ZNF417: variants seen among roughly 807,000 people sequenced by gnomAD.
The protein encoded by ZNF417 is zinc finger protein 417.
ZNF417 carries 5 observed loss-of-function variants against 7.4 expected under a neutral mutation model. The observed-to-expected ratio is 0.68, with a 90% CI of 0.35 to 1.43. The LOEUF is 1.43. ZNF417 is among the 40% of genes most tolerant of loss of function. The probability of loss-of-function intolerance (pLI) is 0.04; values close to 1 mark genes in which losing one functional copy is unlikely to be tolerated. For synonymous variants in ZNF417, 147 were observed against 239.1 expected (o/e 0.61, Z 3.55); for missense variants, 437 against 697.3 (o/e 0.63, Z 4.20).
rs2071854246 is a variant in ZNF417 at position 57,908,211 on chromosome 19, T to A, written c.*339A>T. On this transcript the variant is annotated 3_prime_UTR_variant, in exon 3 of 3. Coordinates refer to ENST00000312026, the MANE Select transcript of ZNF417 (RefSeq NM_152475.3). ...GGGACACTTATGATTCCACATGAAG[T>A]GGATAACCAGCTCATAGCTCTTGTG... 2 of 355,154 alleles carry A rather than the reference T, an allele frequency of 5.6e-6. No homozygotes were observed. The highest frequency in any genetic ancestry group is 1.0e-5 in the Non-Finnish European group (2 of 191,272). The allele number at this position is 355,154 out of a possible 1,614,324, so 22.0% of individuals were successfully genotyped here.
At chr19:57,914,470 G>A (rs1230768261) in intron 1 of ZNF417, among the ~76,000 whole-genome samples, 1 of 84,284 alleles carries the variant, frequency 1.2e-5, no homozygotes, top group Non-Finnish European at 2.1e-5. Flanking sequence ...TGGGCAACAA[G>A]ACCGAAACTC....
rs776305801 is a variant in ZNF417 at position 57,907,753 on chromosome 19, C to G, written c.*797G>C. 2 of 154,736 alleles carry G rather than the reference C, an allele frequency of 1.3e-5. No individual in the cohort carries two copies. Among genetic ancestry groups the G allele is most frequent in the Non-Finnish European group, 2.9e-5 (2 of 68,228 alleles). 9.6% of individuals were successfully genotyped at this position (154,736 alleles called of 1,614,324 possible). Reference sequence around the variant, plus strand: ...AAAAAGATTCTGGATTCCATAATCTCACCTTGCTGGCAAGAAACTACCATT... The same window carrying G: ...AAAAAGATTCTGGATTCCATAATCTGACCTTGCTGGCAAGAAACTACCATT... On this transcript the variant is annotated 3_prime_UTR_variant, in exon 3 of 3. Coordinates refer to ENST00000312026, the MANE Select transcript of ZNF417 (RefSeq NM_152475.3).
rs1367125611 is a variant in ZNF417, at chr19:57,916,442, C to T, written c.-31G>A. ...TACTTGGGGAAGCACGGCCCGGGAG[C>T]AGTGGTCGCCGTCACGGGGCTGCAG... On this transcript the variant is annotated 5_prime_UTR_variant, in exon 1 of 3. Coordinates refer to ENST00000312026, the MANE Select transcript of ZNF417 (RefSeq NM_152475.3). 1 of 1,613,812 alleles carries T rather than the reference C, an allele frequency of 6.2e-7. No individual in the cohort carries two copies. The highest frequency in any genetic ancestry group is 2.2e-5 in the East Asian group (1 of 44,872).
Position 57,915,177 on chromosome 19 carries a change from C to T in ZNF417, c.33+1202G>A, listed in dbSNP as rs545945809. Among the ~76,000 whole-genome samples the T allele has an allele frequency of 7.2e-5, 11 of 152,308 alleles. No homozygotes were observed. The South Asian group carries it at 2.1e-3, about 29-fold the overall frequency. On this transcript the variant is annotated intron_variant, in intron 1 of 2. Transcript: ENST00000312026. Reference sequence around the variant, plus strand: ...CAGTGCAAAATGTCATCTCTACCACCTATGTGAGCTACAAAAAGGATTCAA... The same window carrying T: ...CAGTGCAAAATGTCATCTCTACCACTTATGTGAGCTACAAAAAGGATTCAA...
In ZNF417 at chr19:57,909,440, T is replaced by A; in HGVS notation, c.838A>T (p.Lys280Ter). The change falls in exon 3 of 3, where the codon AAG (lysine) becomes TAG (stop). Residue 280 changes from lysine (K) to a stop codon, truncating the protein, a stop_gained. Coordinates refer to ENST00000312026, the MANE Select transcript of ZNF417 (RefSeq NM_152475.3). LOFTEE classifies it low-confidence loss of function (END_TRUNC). ...CGECGKSYSR[K>*]SSLIQHQRVH... is the part of the protein sequence containing the mutation. ...CGCTGATGTTGAATAAGGCTGCTCT[T>A]TCGACTATAAGATTTCCCACACTCT... The A allele has an allele frequency of 6.2e-7, 1 of 1,613,938 alleles. No homozygotes were observed. Among genetic ancestry groups the A allele is most frequent in the Non-Finnish European group, 8.5e-7 (1 of 1,179,880 alleles).
rs2071846373 is a variant in ZNF417 at position 57,907,627 on chromosome 19, T to C, written c.*923A>G. 6.5e-6 allele frequency: 1 copy of C among 154,882 alleles called. No homozygotes were observed. Among genetic ancestry groups the C allele is most frequent in the Admixed American group, 6.5e-5 (1 of 15,288 alleles). The allele number at this position is 154,882 out of a possible 1,614,324, so 9.6% of individuals were successfully genotyped here. On this transcript the variant is annotated 3_prime_UTR_variant, in exon 3 of 3. Transcript: ENST00000312026. ...TTCTTCTGACTGGGACATTTCCCAA[T>C]TTGGGAACAGTGGTTACTTGCCAAA...
In ZNF417 at chr19:57,908,566, C is replaced by T. The variant is rs559770403; in HGVS notation, c.1712G>A (p.Arg571Lys). 15 of 1,614,186 alleles carry T rather than the reference C, an allele frequency of 9.3e-6. No homozygotes were observed. Among genetic ancestry groups the T allele is most frequent in the Admixed American group, 6.7e-5 (4 of 60,026 alleles). ...STLLHHQSSH[R>K]RKAL is the part of the protein sequence containing the mutation. ...TCACTGCACTCATAAGGCCTTTCTC[C>T]TGTGTGAACTCTGATGATGAAGGAG... Residue 571 changes from arginine (R) to lysine (K), a missense_variant, in exon 3 of 3, where the codon AGG (arginine) becomes AAG (lysine). Around this residue, in one of 5 missense-constraint regions of ZNF417, gnomAD observed 233 missense variants for 235.5 expected, o/e 0.99. Coordinates refer to ENST00000312026, the MANE Select transcript of ZNF417 (RefSeq NM_152475.3).
Position 57,908,272 on chromosome 19 carries a change from G to C in ZNF417, c.*278C>G. 2.0e-6 allele frequency: 1 copy of C among 509,572 alleles called. No homozygotes were observed. The highest frequency in any genetic ancestry group is 3.5e-6 in the Non-Finnish European group (1 of 284,596). The allele number at this position is 509,572 out of a possible 1,614,324, so 31.6% of individuals were successfully genotyped here. ...CCAAGTATTTGGCCGGGCATGGTGT[G>C]GTGTACTCGTAATCTCAGCTCCTTG... On this transcript the variant is annotated 3_prime_UTR_variant, in exon 3 of 3. Coordinates refer to ENST00000312026, the MANE Select transcript of ZNF417 (RefSeq NM_152475.3).
At chr19:57,910,834 A>G (rs1261352171) in intron 2 of ZNF417, among the ~76,000 whole-genome samples, 1 of 152,216 alleles carries the variant, frequency 6.6e-6, no homozygotes, top group Non-Finnish European at 1.5e-5. Context: ...ACCTGAGTTC[A>G]GTAGTTGGAG....
intron 1 of ZNF417, chr19:57,915,419 C>A (rs538498307): frequency 1.8e-5 from 7 of 397,216 alleles, no homozygotes; most frequent in Non-Finnish European, 3.3e-5. Flanking sequence ...TTCCATCCTC[C>A]CGGCTCCGTC....
Position 57,912,169 on chromosome 19 carries a change from T to C in ZNF417, c.54A>G (p.Glu18=). Reference sequence around the variant, plus strand: ...CCTGGGAAAAGTTCACAGCCACATCTTCAAAGGTCACAGTGCCCTGCTATG... The same window carrying C: ...CCTGGGAAAAGTTCACAGCCACATCCTCAAAGGTCACAGTGCCCTGCTATG... ...RPTQQGTVTF[E]DVAVNFSQEE... is the part of the protein sequence containing the mutation. The change falls in exon 2 of 3, where the codon GAA becomes GAG. Residue 18 remains glutamate (E), a synonymous_variant. Transcript: ENST00000312026. 6.2e-7 allele frequency: 1 copy of C among 1,612,420 alleles called. No homozygotes were observed. Among genetic ancestry groups the C allele is most frequent in the Non-Finnish European group, 8.5e-7 (1 of 1,179,560 alleles).
rs1251703980 is a variant in ZNF417, at chr19:57,906,354, T to G, written c.*2196A>C. 6.6e-6 allele frequency among the ~76,000 whole-genome samples: 1 copy of G among 152,080 alleles called. No homozygotes were observed. The highest frequency in any genetic ancestry group is 2.4e-5 in the African/African-American group (1 of 41,390). On this transcript the variant is annotated 3_prime_UTR_variant, in exon 3 of 3. Transcript: ENST00000312026. The stretch of plus-strand genomic sequence containing the variant: ...AACATGCTGTAATACAAGGTGACAT[T>G]TAGGGGCTGAGACTGTTAACATCTG...
chr19:57,907,723 C>A lies in ZNF417; in HGVS notation c.*827G>T, dbSNP rs1431217692. Reference sequence around the variant, plus strand: ...CAAGTGGGGAAATGGGCATGTGGCCCCTGAAAAAAGATTCTGGATTCCATA... The same window carrying A: ...CAAGTGGGGAAATGGGCATGTGGCCACTGAAAAAAGATTCTGGATTCCATA... On this transcript the variant is annotated 3_prime_UTR_variant, in exon 3 of 3. Transcript: ENST00000312026. The A allele has an allele frequency of 6.5e-6, 1 of 153,954 alleles. No individual in the cohort carries two copies. Among genetic ancestry groups the A allele is most frequent in the Non-Finnish European group, 1.5e-5 (1 of 67,788 alleles). 9.5% of individuals were successfully genotyped at this position (153,954 alleles called of 1,614,324 possible). A position where few individuals can be genotyped will look rare whatever the true frequency, so the allele number is the denominator to read the frequency against.
intron 2 of ZNF417, among the ~76,000 whole-genome samples, chr19:57,910,967 C>T (rs1302404808): frequency 6.6e-6 from 1 of 152,186 alleles, no homozygotes; most frequent in Non-Finnish European, 1.5e-5. Flanking sequence ...ATCACTTCAA[C>T]CTGGGAAGCA....
intron 1 of ZNF417, among the ~76,000 whole-genome samples, chr19:57,914,850 A>C (rs910685856): frequency 2.0e-5 from 3 of 152,236 alleles, no homozygotes; most frequent in African/African-American, 7.2e-5. Flanking sequence ...CCATGGCCTC[A>C]GTATCCTGTC....
At chr19:57,914,836 C>A (rs986348182) in intron 1 of ZNF417, among the ~76,000 whole-genome samples, 22 of 152,204 alleles carry the variant, frequency 1.4e-4, no homozygotes, top group Admixed American at 5.9e-4. Flanking sequence ...TTGCATATAA[C>A]CTGCCATGGC....
At chr19:57,914,655 CCATA>C (rs528584164) in intron 1 of ZNF417, among the ~76,000 whole-genome samples, 161 of 152,268 alleles carry the variant, frequency 1.1e-3, no homozygotes, top group South Asian at 3.3e-3. Flanking sequence ...TTCCCTCAAC[CCATA>C]GTGTGTGCAC....
chr19:57,908,853 A>C lies in ZNF417; in HGVS notation c.1425T>G (p.Asn475Lys), dbSNP rs116338997. ...TCTGATGTATAGTCACGCAGTTCTT[A>C]TTACCAAATAATTTCCCACATACCT... is the stretch of plus-strand genomic sequence containing the variant. ...ACEVCGKLFG[N>K]KNCVTIHQRI... The change falls in exon 3 of 3, where the codon AAT becomes AAG. Residue 475 changes from asparagine to lysine, a missense_variant. Asn to Lys is a moderately conservative substitution (Grantham distance 94, BLOSUM62 0). Transcript: ENST00000312026. 1.9e-6 allele frequency: 3 copies of C among 1,613,470 alleles called. No individual in the cohort carries two copies. Among genetic ancestry groups the C allele is most frequent in the East Asian group, 4.5e-5 (2 of 44,840 alleles).
Position 57,907,663 on chromosome 19 carries a change from C to T in ZNF417, c.*887G>A, listed in dbSNP as rs117379656. The T allele has an allele frequency of 0.013, 1,993 of 154,992 alleles. 20 individuals carry two copies. The highest frequency in any genetic ancestry group is 0.022 in the Non-Finnish European group (1,535 of 68,230). 9.6% of individuals were successfully genotyped at this position (154,992 alleles called of 1,614,324 possible). ...TGGTTACTTGCCAAATTCACATTTA[C>T]GGCCAAAACTGTGGCTACAGTGTCG... On this transcript the variant is annotated 3_prime_UTR_variant, in exon 3 of 3. Coordinates refer to ENST00000312026, the MANE Select transcript of ZNF417 (RefSeq NM_152475.3).
Sources: allele counts gnomAD v4.1 joint callset (sites outside exome capture counted in the v4.1 genomes callset), GRCh38; gene constraint gnomAD v4.1.1; regional missense constraint gnomAD v4.1.1; transcripts MANE v1.5; gene names NCBI Gene and HGNC (gene_info 2026-07-23, HGNC 2026-07-21).